Variants in ANKRD55 observed in about 807,000 individuals in gnomAD.
The protein encoded by ANKRD55 is ankyrin repeat domain 55.
Under a neutral mutation model 60.6 loss-of-function variants are expected in ANKRD55, and 41 were observed. That is an observed-to-expected ratio of 0.68 (90% confidence interval 0.53 to 0.88). The LOEUF is 0.88. Among genes scored for constraint, ANKRD55 ranks in the 40% least tolerant of loss-of-function variants. The probability of loss-of-function intolerance (pLI) is 0.00; values close to 1 mark genes in which losing one functional copy is unlikely to be tolerated. For synonymous variants in ANKRD55, 264 were observed against 290.3 expected, an observed-to-expected ratio of 0.91 and a Z score of 0.92; for missense variants, 732 against 767.6, an observed-to-expected ratio of 0.95 and a Z score of 0.55.
chr5:56,150,902 A>C (rs1758024521), intron 6 of ANKRD55, among the ~76,000 whole-genome samples: 1 of 152,244 alleles, frequency 6.6e-6, no homozygotes, highest in South Asian at 2.1e-4. Context: ...CCGTCTCAAT[A>C]AATAAATAAA....
At chr5:56,213,602 G>T (rs1161026934) in intron 2 of ANKRD55, among the ~76,000 whole-genome samples, 1 of 152,090 alleles carries the variant, frequency 6.6e-6, no homozygotes, top group Non-Finnish European at 1.5e-5. Flanking sequence ...GTGAGATTCT[G>T]CTTCAAAACT....
intron 6 of ANKRD55, among the ~76,000 whole-genome samples, chr5:56,157,594 C>G (rs117457625): frequency 1.3e-5 from 2 of 152,208 alleles, no homozygotes; most frequent in African/African-American, 4.8e-5. Flanking sequence ...AGATGAGACA[C>G]GCTGGCGGCA....
chr5:56,163,068 A>T (rs1758371712), intron 5 of ANKRD55, among the ~76,000 whole-genome samples: 1 of 152,024 alleles, frequency 6.6e-6, no homozygotes. Flanking sequence ...ATATGTGATG[A>T]TCTATGTGGC....
intron 2 of ANKRD55, chr5:56,193,231 A>G: frequency 9.7e-7 from 1 of 1,026,520 alleles, no homozygotes; most frequent in South Asian, 1.5e-5. Context: ...GATGCATTTA[A>G]AACAGACAAG....
At chr5:56,152,951 T>G (rs1478285112) in intron 6 of ANKRD55, among the ~76,000 whole-genome samples, 9 of 152,146 alleles carry the variant, frequency 5.9e-5, no homozygotes, top group Non-Finnish European at 1.2e-4. Flanking sequence ...TTTAATTATA[T>G]CAGATTTTTA....
chr5:56,117,495 C>A (rs1267462157), intron 8 of ANKRD55, among the ~76,000 whole-genome samples: 1 of 152,018 alleles, frequency 6.6e-6, no homozygotes, highest in African/African-American at 2.4e-5. Context: ...ACTCTGTCAT[C>A]CAGGCTGGAG....
chr5:56,122,183 T>C (rs1421566482), intron 8 of ANKRD55, among the ~76,000 whole-genome samples: 7 of 152,010 alleles, frequency 4.6e-5, no homozygotes, highest in Admixed American at 3.3e-4. Context: ...TGCCTATGCA[T>C]TATTATTTTT....
intron 2 of ANKRD55, among the ~76,000 whole-genome samples, chr5:56,221,921 A>C (rs895492411): frequency 7.9e-5 from 12 of 152,234 alleles, no homozygotes; most frequent in African/African-American, 2.4e-4. Flanking sequence ...CTCTGGGGGC[A>C]GGGCATAGCT....
intron 10 of ANKRD55, among the ~76,000 whole-genome samples, chr5:56,103,537 A>G (rs1272319514): frequency 6.6e-6 from 1 of 152,214 alleles, no homozygotes; most frequent in African/African-American, 2.4e-5. Context: ...ATTAGGCTTG[A>G]TTCCCTGCTT....
At chr5:56,140,373 T>G (rs2111752733) in intron 7 of ANKRD55, among the ~76,000 whole-genome samples, 1 of 152,324 alleles carries the variant, frequency 6.6e-6, no homozygotes, top group East Asian at 1.9e-4. Flanking sequence ...GCACAATTTC[T>G]CCAGAGCCGG....
chr5:56,203,202 TGAATTGTAATCC>T (rs1020312354), intron 2 of ANKRD55, among the ~76,000 whole-genome samples: 5 of 152,178 alleles, frequency 3.3e-5, no homozygotes, highest in African/African-American at 1.2e-4. Flanking sequence ...AATCTCATCT[TGAATTGTAATCC>T]GAATTGTAAT....
intron 2 of ANKRD55, among the ~76,000 whole-genome samples, chr5:56,225,066 T>C (rs1016782694): frequency 2.8e-4 from 43 of 152,332 alleles, no homozygotes; most frequent in Middle Eastern, 6.8e-3. Context: ...TTGATGAATA[T>C]TGATGCAAAA....
intron 2 of ANKRD55, among the ~76,000 whole-genome samples, chr5:56,204,210 A>C (rs1759448369): frequency 6.6e-6 from 1 of 152,114 alleles, no homozygotes; most frequent in African/African-American, 2.4e-5. Context: ...AGTTCATTGT[A>C]GATTCTGGAT....
intron 2 of ANKRD55, among the ~76,000 whole-genome samples, chr5:56,205,055 C>A (rs186418553): frequency 3.8e-4 from 45 of 119,806 alleles, no homozygotes; most frequent in African/African-American, 2.2e-3. Flanking sequence ...GACTTGTTTT[C>A]TTTTCTTTCT....
intron 9 of ANKRD55, among the ~76,000 whole-genome samples, chr5:56,113,999 T>C (rs1183368353): frequency 1.3e-5 from 1 of 79,014 alleles, no homozygotes; most frequent in African/African-American, 6.3e-5. Context: ...TATATATATA[T>C]ATATATATAT....
At chr5:56,135,984 G>C (rs1345932362) in intron 7 of ANKRD55, among the ~76,000 whole-genome samples, 1 of 151,746 alleles carries the variant, frequency 6.6e-6, no homozygotes, top group African/African-American at 2.4e-5. Context: ...TAAATAGTTA[G>C]GTACAAATCT....
At chr5:56,157,883 T>C (rs941962005) in intron 6 of ANKRD55, among the ~76,000 whole-genome samples, 1 of 152,152 alleles carries the variant, frequency 6.6e-6, no homozygotes, top group East Asian at 1.9e-4. Flanking sequence ...CTATACTTTG[T>C]CTCTGTGTCT....
At chr5:56,181,621 C>T (rs755633000) in intron 3 of ANKRD55, among the ~76,000 whole-genome samples, 13 of 152,220 alleles carry the variant, frequency 8.5e-5, no homozygotes, top group South Asian at 8.3e-4. Context: ...GATAGAGTCT[C>T]GCTCTGTCAC....
intron 6 of ANKRD55, among the ~76,000 whole-genome samples, chr5:56,153,464 A>G (rs184207626): frequency 2.7e-4 from 41 of 152,324 alleles, no homozygotes; most frequent in African/African-American, 9.6e-4. Flanking sequence ...AAATTGAGAC[A>G]ACCTAAATAT....
Sources: allele counts gnomAD v4.1 joint callset (sites outside exome capture counted in the v4.1 genomes callset), GRCh38; gene constraint gnomAD v4.1.1; transcripts MANE v1.5; gene names NCBI Gene and HGNC (gene_info 2026-07-23, HGNC 2026-07-21).